Variants in FBXL17 observed in about 807,000 individuals in gnomAD.
The protein encoded by FBXL17 is F-box and leucine rich repeat protein 17.
In FBXL17, 22 loss-of-function variants were observed where a neutral mutation model predicts 66.2. The observed-to-expected ratio is 0.33, with a 90% CI of 0.24 to 0.47. FBXL17 has a LOEUF of 0.47. FBXL17 is among the 20% of genes least tolerant of loss of function. The pLI is 1.00. For synonymous variants in FBXL17, 474 were observed against 400.5 expected, an observed-to-expected ratio of 1.18 and a Z score of -2.19; for missense variants, 878 against 948.2, an observed-to-expected ratio of 0.93 and a Z score of 0.97.
intron 6 of FBXL17, among the ~76,000 whole-genome samples, chr5:108,181,494 T>G (rs996830084): frequency 6.6e-6 from 1 of 152,170 alleles, no homozygotes. Flanking sequence ...CAGAGATCAA[T>G]TCAAGGACCA....
intron 6 of FBXL17, among the ~76,000 whole-genome samples, chr5:108,030,510 G>A (rs116652425): frequency 0.011 from 1,682 of 152,156 alleles, 37 homozygotes; most frequent in African/African-American, 0.038. Flanking sequence ...TCAGATTTGC[G>A]TTATTTTAAA....
chr5:108,084,387 A>T (rs931250300), intron 6 of FBXL17, among the ~76,000 whole-genome samples: 1 of 152,208 alleles, frequency 6.6e-6, no homozygotes, highest in African/African-American at 2.4e-5. Context: ...GCTCTGCATG[A>T]GAAACAGGTG....
At chr5:108,368,020 A>G (rs1232326966) in intron 1 of FBXL17, 67 bp from the exon 2 acceptor site, 5 of 1,426,308 alleles carry the variant, frequency 3.5e-6, no homozygotes, top group Non-Finnish European at 4.7e-6. Context: ...AAAGGTTTTT[A>G]TTAGTTAGAA....
intron 6 of FBXL17, among the ~76,000 whole-genome samples, chr5:108,060,479 C>T (rs1347131264): frequency 6.6e-6 from 1 of 152,178 alleles, no homozygotes; most frequent in East Asian, 1.9e-4. Context: ...TTACACCAGG[C>T]AAAAAGTGTC....
In FBXL17 at chr5:108,241,954, T is replaced by C. The variant is rs541615828; in HGVS notation, c.1507-17726A>G. ...TTGAACATGAAGGAGGAATAAAGACTTTCCCAGACCGACAAAAGCTGAGGG... is the reference window on the plus strand; with the variant it reads ...TTGAACATGAAGGAGGAATAAAGACCTTCCCAGACCGACAAAAGCTGAGGG... On this transcript the variant is annotated intron_variant, in intron 4 of 8. Coordinates refer to ENST00000542267, the MANE Select transcript of FBXL17 (RefSeq NM_001163315.3). Among the ~76,000 whole-genome samples, 5 of 152,190 alleles carry C rather than the reference T, an allele frequency of 3.3e-5. No individual in the cohort carries two copies. The East Asian group carries it at 5.8e-4, about 18-fold the overall frequency.
intron 4 of FBXL17, among the ~76,000 whole-genome samples, chr5:108,345,178 CA>C (rs11413389): frequency 6.6e-6 from 1 of 150,398 alleles, no homozygotes; most frequent in South Asian, 2.1e-4. Context: ...ACTAAAAATA[CA>C]AAAAAAAATT....
intron 4 of FBXL17, among the ~76,000 whole-genome samples, chr5:108,293,668 T>C (rs1028384403): frequency 1.3e-5 from 2 of 152,130 alleles, no homozygotes; most frequent in African/African-American, 4.8e-5. Context: ...AGCAAACAGG[T>C]ATTTGCTGTT....
intron 4 of FBXL17, among the ~76,000 whole-genome samples, chr5:108,251,635 T>C (rs1407618978): frequency 6.6e-6 from 1 of 152,090 alleles, no homozygotes; most frequent in Non-Finnish European, 1.5e-5. Context: ...CAGAAGAATG[T>C]AGACTGCAAA....
intron 7 of FBXL17, among the ~76,000 whole-genome samples, chr5:107,946,530 C>G (rs533845367): frequency 1.1e-3 from 173 of 150,618 alleles, no homozygotes; most frequent in African/African-American, 3.9e-3. Context: ...TGGCCTCCAA[C>G]TCCTGGCCTC....
rs144105604 is a variant in FBXL17 at position 108,157,967 on chromosome 5, G to A, written c.1745+28150C>T. ...AAAAAGAAAAGAGGGAAAGTTCACA[G>A]AAAAAGCAAGAAGTAGATGTAAATA... On this transcript the variant is annotated intron_variant, in intron 6 of 8. Coordinates refer to ENST00000542267, the MANE Select transcript of FBXL17 (RefSeq NM_001163315.3). Among the ~76,000 whole-genome samples, 993 of 152,066 alleles carry A rather than the reference G, an allele frequency of 6.5e-3. 9 individuals carry two copies. The highest frequency in any genetic ancestry group is 8.5e-3 in the Non-Finnish European group (579 of 67,906).
At chr5:108,259,949 C>A (rs12519091) in intron 4 of FBXL17, among the ~76,000 whole-genome samples, 1 of 151,154 alleles carries the variant, frequency 6.6e-6, no homozygotes, top group Non-Finnish European at 1.5e-5. Flanking sequence ...AAACTCTGTC[C>A]ACTACTGGCT....
At chr5:107,933,393 T>A (rs898581599) in intron 7 of FBXL17, among the ~76,000 whole-genome samples, 1 of 152,178 alleles carries the variant, frequency 6.6e-6, no homozygotes, top group Non-Finnish European at 1.5e-5. Flanking sequence ...TTTGGTCCAG[T>A]AGGCAAATTT....
At chr5:108,364,707 G>C (rs1302272868) in intron 3 of FBXL17, 31 bp downstream of exon 3, 1 of 1,547,798 alleles carries the variant, frequency 6.5e-7, no homozygotes, top group Non-Finnish European at 8.8e-7. Context: ...ATTAATTCAA[G>C]TAAAATCACT....
intron 4 of FBXL17, among the ~76,000 whole-genome samples, chr5:108,262,366 T>G (rs1372075204): frequency 1.3e-5 from 2 of 152,084 alleles, no homozygotes; most frequent in African/African-American, 4.8e-5. Flanking sequence ...TAAAGTGTTG[T>G]AAGTATAGGC....
intron 4 of FBXL17, among the ~76,000 whole-genome samples, chr5:108,242,425 T>C (rs1755902990): frequency 1.3e-5 from 2 of 151,816 alleles, no homozygotes; most frequent in East Asian, 1.9e-4. Context: ...TTTTGATATG[T>C]TGCCCAGGTT....
At chr5:108,026,493 A>G (rs996763172) in intron 6 of FBXL17, among the ~76,000 whole-genome samples, 6 of 152,208 alleles carry the variant, frequency 3.9e-5, no homozygotes, top group Non-Finnish European at 7.3e-5. Context: ...GTAAACTTCT[A>G]AAGATGTGCT....
intron 7 of FBXL17, among the ~76,000 whole-genome samples, chr5:107,962,643 C>G (rs1751961317): frequency 6.7e-6 from 1 of 149,966 alleles, no homozygotes; most frequent in South Asian, 2.1e-4. Context: ...ATGAGCTAGT[C>G]TTTCTGGAAT....
At chr5:108,367,400 T>C (rs111921091) in intron 2 of FBXL17, among the ~76,000 whole-genome samples, 14 of 151,582 alleles carry the variant, frequency 9.2e-5, no homozygotes, top group African/African-American at 3.4e-4. Flanking sequence ...GGAGAAAAAA[T>C]AATAGTATAT....
At position 108,185,103 on chromosome 5, in the gene FBXL17, G is replaced by A. The variant is rs561192880; in HGVS notation, c.1745+1014C>T. On this transcript the variant is annotated intron_variant, in intron 6 of 8. Transcript: ENST00000542267. ...AAGAAAAATGGGTTAATCATTATTC[G>A]TAAGAAAAAACTTCTGATTCTATAC... Among the ~76,000 whole-genome samples the A allele has an allele frequency of 6.6e-5, 10 of 151,934 alleles. No homozygotes were observed. The South Asian group carries it at 1.7e-3, about 25-fold the overall frequency.
Sources: gnomAD v4.1 joint callset for allele counts (sites outside exome capture counted in the v4.1 genomes callset) on GRCh38, gnomAD v4.1.1 for gene constraint, MANE v1.5 for transcripts, NCBI Gene and HGNC (gene_info 2026-07-23, HGNC 2026-07-21) for gene names.